GAB2: variants seen among roughly 807,000 people sequenced by gnomAD.
GAB2 encodes GRB2 associated binding protein 2, also known as GRB2-associated-binding protein 2.
A neutral mutation model predicts 65.5 loss-of-function variants in GAB2; 26 were observed. The ratio of observed to expected loss-of-function variants is 0.40; its 90% confidence interval spans 0.29 to 0.55. The LOEUF is 0.55. Among genes scored for constraint, GAB2 ranks in the 20% least tolerant of loss-of-function variants. GAB2 has a pLI of 0.53. For synonymous variants in GAB2, 321 were observed against 329.6 expected (o/e 0.97, Z 0.28); for missense variants, 884 against 875.8 (o/e 1.01, Z -0.12).
intron 1 of GAB2, among the ~76,000 whole-genome samples, chr11:78,353,251 G>A (rs1193873602): frequency 6.6e-6 from 1 of 152,108 alleles, no homozygotes; most frequent in East Asian, 1.9e-4. Context: ...GACCAGCCTG[G>A]CCAACATGGT....
intron 1 of GAB2, among the ~76,000 whole-genome samples, chr11:78,386,712 T>C (rs1014810957): frequency 1.3e-5 from 2 of 152,222 alleles, no homozygotes; most frequent in African/African-American, 4.8e-5. Flanking sequence ...GCACAGCTAA[T>C]ACCAGGAGGG....
intron 1 of GAB2, among the ~76,000 whole-genome samples, chr11:78,390,714 A>G (rs1246995447): frequency 1.3e-5 from 2 of 152,204 alleles, no homozygotes; most frequent in Non-Finnish European, 2.9e-5. Context: ...ATCACTCCGA[A>G]AGACAGAATA....
intron 1 of GAB2, among the ~76,000 whole-genome samples, chr11:78,331,687 G>A (rs1438091386): frequency 6.6e-6 from 1 of 152,156 alleles, no homozygotes; most frequent in Non-Finnish European, 1.5e-5. Context: ...AAGTCCTCAG[G>A]ATAAGAGGAA....
At chr11:78,408,940 T>C (rs1365286908) in intron 1 of GAB2, among the ~76,000 whole-genome samples, 1 of 152,210 alleles carries the variant, frequency 6.6e-6, no homozygotes. Context: ...ACCTCTTTTC[T>C]TGATAAATTA....
intron 1 of GAB2, among the ~76,000 whole-genome samples, chr11:78,360,567 CA>C (rs377010466): frequency 2.0e-5 from 3 of 152,132 alleles, no homozygotes; most frequent in African/African-American, 4.8e-5. Context: ...GTAAAAACAC[CA>C]TTTTTTTGGC....
intron 1 of GAB2, among the ~76,000 whole-genome samples, chr11:78,385,954 A>C (rs2134743999): frequency 2.0e-5 from 3 of 152,308 alleles, no homozygotes; most frequent in Middle Eastern, 6.8e-3. Context: ...AAAAAATGAA[A>C]GTGTAGCTAT....
At chr11:78,345,203 C>G (rs1856161421) in intron 1 of GAB2, among the ~76,000 whole-genome samples, 1 of 152,126 alleles carries the variant, frequency 6.6e-6, no homozygotes, top group Admixed American at 6.5e-5. Flanking sequence ...TCCTTGAGCT[C>G]AGGAGGCAGA....
chr11:78,370,725 A>ATATGTGTGTGTGTGTG (rs1554995540), intron 1 of GAB2, among the ~76,000 whole-genome samples: 4 of 148,900 alleles, frequency 2.7e-5, no homozygotes, highest in African/African-American at 9.9e-5. Context: ...GTGTGTGTGT[A>ATATGTGTGTGTGTGTG]TGTGTGTGTG....
intron 2 of GAB2, among the ~76,000 whole-genome samples, chr11:78,257,822 T>G (rs1865633043): frequency 6.6e-6 from 1 of 152,144 alleles, no homozygotes; most frequent in Non-Finnish European, 1.5e-5. Flanking sequence ...TCCATTTTTT[T>G]TTTTTGGATG....
intron 1 of GAB2, among the ~76,000 whole-genome samples, chr11:78,292,386 G>C (rs1430042691): frequency 6.6e-6 from 1 of 152,194 alleles, no homozygotes; most frequent in Non-Finnish European, 1.5e-5. Context: ...ACCTTGAGAA[G>C]TCCTTAGTCA....
chr11:78,226,712 T>G lies in GAB2; in HGVS notation c.960A>C (p.Pro320=), dbSNP rs1590945106. 1 of 1,613,310 alleles carries G rather than the reference T, an allele frequency of 6.2e-7. No homozygotes were observed. The change falls in exon 4 of 10, where the codon CCA becomes CCC. Residue 320 remains proline (P), a synonymous_variant. Coordinates refer to ENST00000361507, the MANE Select transcript of GAB2 (RefSeq NM_080491.3). ...TCCTAGGGATCTGGTAGGCTGAGAGTGGGGTGGCCGGAACATCCATATTGT... is the reference window on the plus strand; with the variant it reads ...TCCTAGGGATCTGGTAGGCTGAGAGGGGGGTGGCCGGAACATCCATATTGT... ...LVDNMDVPAT[P]LSAYQIPRTF...
chr11:78,264,103 G>A (rs987856451), intron 2 of GAB2, among the ~76,000 whole-genome samples: 1 of 152,016 alleles, frequency 6.6e-6, no homozygotes, highest in African/African-American at 2.4e-5. Context: ...AAATAGTACT[G>A]TTTTCATATA....
At chr11:78,281,087 G>A (rs1866321477) in intron 1 of GAB2, among the ~76,000 whole-genome samples, 186 bp from the exon 2 acceptor site, 2 of 151,714 alleles carry the variant, frequency 1.3e-5, no homozygotes, top group Non-Finnish European at 2.9e-5. Flanking sequence ...CTGGGTGGCT[G>A]GGACTACAGA....
chr11:78,298,296 A>AT (rs780508360), intron 1 of GAB2, among the ~76,000 whole-genome samples: 4 of 152,222 alleles, frequency 2.6e-5, no homozygotes, highest in Non-Finnish European at 5.9e-5. Flanking sequence ...AGAAGGAAGA[A>AT]TAAAGACTTC....
chr11:78,362,530 A>G (rs1450789065), intron 1 of GAB2, among the ~76,000 whole-genome samples: 2 of 152,164 alleles, frequency 1.3e-5, no homozygotes, highest in Non-Finnish European at 2.9e-5. Flanking sequence ...GGTAAGGTAC[A>G]ACACTACACG....
intron 3 of GAB2, among the ~76,000 whole-genome samples, chr11:78,231,291 T>C (rs998012103): frequency 2.6e-5 from 4 of 152,020 alleles, no homozygotes; most frequent in African/African-American, 7.2e-5. Context: ...ATAGAGGCTA[T>C]TGCCACCATA....
chr11:78,304,924 T>C (rs1361052443), intron 1 of GAB2, among the ~76,000 whole-genome samples: 1 of 152,222 alleles, frequency 6.6e-6, no homozygotes, highest in Non-Finnish European at 1.5e-5. Context: ...ACTGCTTTAA[T>C]GTGATATTCC....
At chr11:78,356,203 G>A (rs1243128827) in intron 1 of GAB2, among the ~76,000 whole-genome samples, 3 of 149,684 alleles carry the variant, frequency 2.0e-5, no homozygotes, top group Admixed American at 1.3e-4. Context: ...AAAAGACACA[G>A]TGGTGGAAGG....
chr11:78,342,200 T>C (rs2134692537), intron 1 of GAB2, among the ~76,000 whole-genome samples: 1 of 152,348 alleles, frequency 6.6e-6, no homozygotes, highest in Non-Finnish European at 1.5e-5. Context: ...TAGTGAATGC[T>C]ATCAACGGAT....
Sources: allele counts gnomAD v4.1 joint callset (sites outside exome capture counted in the v4.1 genomes callset), GRCh38; gene constraint gnomAD v4.1.1; transcripts MANE v1.5; gene names NCBI Gene and HGNC (gene_info 2026-07-23, HGNC 2026-07-21).